SDK2: variants seen among roughly 807,000 people sequenced by gnomAD.
The protein encoded by SDK2 is protein sidekick-2.
In SDK2, 105 loss-of-function variants were observed where a neutral mutation model predicts 253.9. That is an observed-to-expected ratio of 0.41 (90% CI 0.35 to 0.49). The LOEUF is 0.49. Ranked by LOEUF, SDK2 falls within the 20% of genes least tolerant of loss-of-function variation. The pLI, the probability that SDK2 is intolerant of heterozygous loss-of-function variation, is 0.06. For missense variants in SDK2, 2,608 were observed against 3,003.0 expected (o/e 0.87, Z 3.07); for synonymous variants, 1,249 against 1,234.9 (o/e 1.01, Z -0.24).
rs574094926 is a variant in SDK2 at position 73,500,659 on chromosome 17, C to T, written c.224+6779G>A. Reference sequence around the variant, plus strand: ...CTCTATTCTCCTCCATCCCTCCTCACTCCATCTCCTCCATCCATCCTCCCT... The same window carrying T: ...CTCTATTCTCCTCCATCCCTCCTCATTCCATCTCCTCCATCCATCCTCCCT... On this transcript the variant is annotated intron_variant, in intron 2 of 44. Transcript: ENST00000392650. 4.2e-5 allele frequency among the ~76,000 whole-genome samples: 6 copies of T among 141,986 alleles called. No individual in the cohort carries two copies. The South Asian group carries it at 1.4e-3, about 33-fold the overall frequency. The allele number at this position is 141,986 out of a possible 152,430, so 93.1% of individuals were successfully genotyped here.
chr17:73,447,470 C>T lies in SDK2; in HGVS notation c.613+145G>A, dbSNP rs2063460845. 1 of 1,198,034 alleles carries T rather than the reference C, an allele frequency of 8.3e-7. No homozygotes were observed. Among genetic ancestry groups the T allele is most frequent in the Admixed American group, 2.2e-5 (1 of 45,798 alleles). 74.2% of individuals were successfully genotyped at this position (1,198,034 alleles called of 1,614,324 possible). A position where few individuals can be genotyped will look rare whatever the true frequency, so the allele number is the denominator to read the frequency against. The stretch of plus-strand genomic sequence containing the variant: ...ACCCCTGGCTCTGCTGTGTCTCGTC[C>T]TCCTTGGGAAGGCTCCCCCCGGCCG... On this transcript the variant is annotated intron_variant, in intron 5 of 44. Transcript: ENST00000392650. The surrounding 1 kb of genome is among the most constrained non-coding windows in gnomAD (Gnocchi z 4.0).
rs149817166 is a variant in SDK2, at chr17:73,463,929, C to T, written c.332-7876G>A. On this transcript the variant is annotated intron_variant, in intron 3 of 44. Transcript: ENST00000392650. ...ATACACACATTCATTTTACTAATAA[C>T]GTTTGCATAAACCCCAGTTGGTATC... Among the ~76,000 whole-genome samples, 14 of 152,264 alleles carry T rather than the reference C, an allele frequency of 9.2e-5. No homozygotes were observed. The East Asian group carries it at 2.3e-3, about 25-fold the overall frequency.
intron 42 of SDK2, 67 bp from the exon 43 acceptor site, chr17:73,350,442 C>T: frequency 1.9e-6 from 3 of 1,551,874 alleles, no homozygotes; most frequent in Non-Finnish European, 2.6e-6. Flanking sequence ...CCACTCTCCA[C>T]CTGGCTGGGT....
At chr17:73,365,492 G>T in intron 37 of SDK2, 97 bp from the exon 38 acceptor site, 3 of 1,309,924 alleles carry the variant, frequency 2.3e-6, no homozygotes, top group Non-Finnish European at 3.1e-6. Flanking sequence ...TTGGGTCTGA[G>T]CCCGGGAGGA....
intron 1 of SDK2, among the ~76,000 whole-genome samples, chr17:73,561,661 A>T (rs1180412109): frequency 6.6e-6 from 1 of 152,204 alleles, no homozygotes; most frequent in East Asian, 1.9e-4. Context: ...GGCCAGGAAC[A>T]AGTAGAGTGG....
At position 73,438,075 on chromosome 17, in the gene SDK2, G is replaced by A; in HGVS notation, c.805C>T (p.Leu269Phe). 1 of 1,551,660 alleles carries A rather than the reference G, an allele frequency of 6.4e-7. No homozygotes were observed. The highest frequency in any genetic ancestry group is 8.7e-7 in the Non-Finnish European group (1 of 1,147,000). The stretch of plus-strand genomic sequence containing the variant: ...CTGCCGGTGGGGTTGGGGATGGTGA[G>A]CCGGCGGTTGTGGTCACTGATGCCG... ...SGGISDHNRR[L>F]TIPNPTGSDA... Residue 269 changes from leucine to phenylalanine, a missense_variant, in exon 7 of 45, where the codon CTC becomes TTC. This residue lies in a region of SDK2 where 1,505 missense variants were observed against 1,859.1 expected (regional missense o/e 0.81). Coordinates refer to ENST00000392650, the MANE Select transcript of SDK2 (RefSeq NM_001144952.2).
At chr17:73,508,713 C>T (rs1046118573) in intron 1 of SDK2, among the ~76,000 whole-genome samples, 2 of 152,166 alleles carry the variant, frequency 1.3e-5, no homozygotes, top group Non-Finnish European at 2.9e-5. Flanking sequence ...GAAACCTGCC[C>T]AAGGTCACAC....
chr17:73,563,998 C>A lies in SDK2; in HGVS notation c.65-56401G>T, dbSNP rs1251123791. ...CTGGCCTCAAACTCCTAGGCTCAAGCGATCCACCCACCTTGTTTCACACAC... is the reference window on the plus strand; with the variant it reads ...CTGGCCTCAAACTCCTAGGCTCAAGAGATCCACCCACCTTGTTTCACACAC... On this transcript the variant is annotated intron_variant, in intron 1 of 44. Transcript: ENST00000392650. 2.6e-5 allele frequency among the ~76,000 whole-genome samples: 4 copies of A among 152,240 alleles called. No individual in the cohort carries two copies. In the South Asian group the frequency reaches 8.3e-4, roughly 32 times the overall value.
intron 2 of SDK2, among the ~76,000 whole-genome samples, chr17:73,482,012 C>T (rs140035890): frequency 0.014 from 2,064 of 152,296 alleles, 50 homozygotes; most frequent in African/African-American, 0.045. Flanking sequence ...TGGTGGCTCA[C>T]GCCTGGAATC....
At position 73,456,046 on chromosome 17, in the gene SDK2, C is replaced by T; in HGVS notation, c.339G>A (p.Gly113=). The stretch of plus-strand genomic sequence containing the variant: ...GGTGCTTCTCACCTTCCTCAAAGCT[C>T]CCCATGTCTGCAGCCGGGACAACGG... ...RQTEVQVAYM[G]SFEEGEKHQS... is the part of the protein sequence containing the mutation. The change falls in exon 4 of 45, where the codon GGG becomes GGA. Residue 113 remains glycine (G), a synonymous_variant. Transcript: ENST00000392650. 1.3e-6 allele frequency: 2 copies of T among 1,500,470 alleles called. No individual in the cohort carries two copies. The highest frequency in any genetic ancestry group is 5.3e-5 in the East Asian group (2 of 38,038). The allele number at this position is 1,500,470 out of a possible 1,614,324, so 92.9% of individuals were successfully genotyped here. A position where few individuals can be genotyped will look rare whatever the true frequency, so the allele number is the denominator to read the frequency against.
intron 9 of SDK2, among the ~76,000 whole-genome samples, chr17:73,434,818 C>T (rs565592660): frequency 1.7e-4 from 26 of 151,828 alleles, no homozygotes; most frequent in Non-Finnish European, 3.7e-4. Context: ...TTTTGGTAGA[C>T]GAGGTTTCGC....
At chr17:73,405,967 C>T (rs969092494) in intron 18 of SDK2, among the ~76,000 whole-genome samples, 2 of 152,074 alleles carry the variant, frequency 1.3e-5, no homozygotes, top group African/African-American at 4.8e-5. Context: ...TCGTGATCCG[C>T]CTGCCTTGGC....
rs932658330 is a variant in SDK2 at position 73,455,499 on chromosome 17, G to A, written c.479+407C>T. Among the ~76,000 whole-genome samples, 5 of 152,248 alleles carry A rather than the reference G, an allele frequency of 3.3e-5. No individual in the cohort carries two copies. The highest frequency in any genetic ancestry group is 4.2e-4 in the South Asian group (2 of 4,814). On this transcript the variant is annotated intron_variant, in intron 4 of 44. Transcript: ENST00000392650. The surrounding 1 kb of genome is among the most constrained non-coding windows in gnomAD (Gnocchi z 5.0). ...ACCAGTAAACACCCTGCCAACGGAC[G>A]CGCCCAGGGCCTCCCGGCTGCCCAG...
chr17:73,416,955 C>T (rs186083947), intron 16 of SDK2, among the ~76,000 whole-genome samples: 33 of 152,090 alleles, frequency 2.2e-4, no homozygotes, highest in Non-Finnish European at 5.9e-5. Context: ...TGAAAAAACT[C>T]GCAGATGAAT....
intron 1 of SDK2, among the ~76,000 whole-genome samples, chr17:73,516,317 G>A (rs1467329748): frequency 6.6e-6 from 1 of 152,234 alleles, no homozygotes; most frequent in Non-Finnish European, 1.5e-5. Flanking sequence ...GGGCCCAGGA[G>A]GAGGCTGCTG....
intron 44 of SDK2, among the ~76,000 whole-genome samples, chr17:73,339,490 G>A (rs939159861): frequency 6.6e-6 from 1 of 151,906 alleles, no homozygotes. Flanking sequence ...CCAAAGTACT[G>A]GGATTACAGG....
Position 73,365,379 on chromosome 17 carries a change from G to A in SDK2, c.5184C>T (p.Ser1728=). The A allele has an allele frequency of 6.2e-7, 1 of 1,609,420 alleles. No homozygotes were observed. Among genetic ancestry groups the A allele is most frequent in the Non-Finnish European group, 8.5e-7 (1 of 1,178,294 alleles). Residue 1728 remains serine, a synonymous_variant, in exon 38 of 45, where the codon AGC becomes AGT. Coordinates refer to ENST00000392650, the MANE Select transcript of SDK2 (RefSeq NM_001144952.2). ...QTQQAAPSAP[S]SVKFSELTTT... is the part of the protein sequence containing the mutation. The stretch of plus-strand genomic sequence containing the variant: ...TGGTCAGCTCACTGAACTTGACCGA[G>A]CTGGGAGCGCTGGGGGCTGCGGGAG...
intron 2 of SDK2, among the ~76,000 whole-genome samples, chr17:73,487,524 C>T (rs911785254): frequency 1.3e-5 from 2 of 152,248 alleles, no homozygotes; most frequent in African/African-American, 2.4e-5. Context: ...AGGCGTTCCA[C>T]AGCCCTGCTG....
At chr17:73,440,290 G>A in intron 6 of SDK2, among the ~76,000 whole-genome samples, 1 of 152,028 alleles carries the variant, frequency 6.6e-6, no homozygotes, top group African/African-American at 2.4e-5. Flanking sequence ...ATTTTCAGTA[G>A]AGATGGAGTT....
Sources: gnomAD v4.1 joint callset for allele counts (sites outside exome capture counted in the v4.1 genomes callset) on GRCh38, gnomAD v4.1.1 for gene constraint, gnomAD v4.1.1 regional missense constraint, Gnocchi (gnomAD v3.1) non-coding constraint, MANE v1.5 for transcripts, NCBI Gene and HGNC (gene_info 2026-07-23, HGNC 2026-07-21) for gene names.